Variants in UBE2K observed in about 807,000 individuals in gnomAD.
UBE2K encodes the protein ubiquitin-conjugating enzyme E2 K.
A neutral mutation model predicts 30.0 loss-of-function variants in UBE2K; 6 were observed. The ratio of observed to expected loss-of-function variants is 0.20; its 90% CI spans 0.11 to 0.39. The LOEUF is 0.39. UBE2K is among the 10% of genes least tolerant of loss of function. The probability of loss-of-function intolerance (pLI) is 1.00; values close to 1 mark genes in which losing one functional copy is unlikely to be tolerated. For synonymous variants in UBE2K, 86 were observed against 83.7 expected, an observed-to-expected ratio of 1.03 and a Z score of -0.15; for missense variants, 61 against 241.6, an observed-to-expected ratio of 0.25 and a Z score of 4.96.
intron 5 of UBE2K, 48 bp downstream of exon 5, chr4:39,774,981 CT>C: frequency 7.6e-7 from 1 of 1,319,608 alleles, no homozygotes; most frequent in Non-Finnish European, 1.1e-6. Flanking sequence ...GTATGAGTCT[CT>C]AGCCACTTCA....
At chr4:39,745,430 G>A (rs1390383657) in intron 2 of UBE2K, among the ~76,000 whole-genome samples, 1 of 152,000 alleles carries the variant, frequency 6.6e-6, no homozygotes. Context: ...TGGATTAGAG[G>A]ACACAGTGGA....
rs368390774 is a variant in UBE2K, at chr4:39,726,930, T to G, written c.64-10490T>G. Among the ~76,000 whole-genome samples, 194 of 152,278 alleles carry G rather than the reference T, an allele frequency of 1.3e-3. 7 individuals carry two copies. In the South Asian group the frequency reaches 0.039, roughly 31 times the overall value. ...ATTATTTTGAAACAAATCTTCTGAGTTATTTTGCAGCAAACCCCAGAATTC... is the reference window on the plus strand; with the variant it reads ...ATTATTTTGAAACAAATCTTCTGAGGTATTTTGCAGCAAACCCCAGAATTC... On this transcript the variant is annotated intron_variant, in intron 1 of 6. Coordinates refer to ENST00000261427, the MANE Select transcript of UBE2K (RefSeq NM_005339.5).
intron 4 of UBE2K, chr4:39,771,089 C>T (rs1405259946): frequency 7.4e-6 from 12 of 1,612,538 alleles, no homozygotes; most frequent in Non-Finnish European, 9.3e-6. Context: ...TGGCATTTCT[C>T]CACCACGTGC....
At chr4:39,771,432 GC>G in intron 4 of UBE2K, 1 of 1,594,056 alleles carries the variant, frequency 6.3e-7, no homozygotes, top group Middle Eastern at 1.7e-4. Context: ...CACCCCAGAG[GC>G]CATTGTGGCG....
chr4:39,772,769 C>T (rs890181504), intron 4 of UBE2K, among the ~76,000 whole-genome samples: 1 of 151,126 alleles, frequency 6.6e-6, no homozygotes, highest in Middle Eastern at 3.4e-3. Flanking sequence ...CTCACGGCAA[C>T]CTCCGCCTCC....
At chr4:39,733,410 G>A (rs1212940657) in intron 1 of UBE2K, among the ~76,000 whole-genome samples, 1 of 143,106 alleles carries the variant, frequency 7.0e-6, no homozygotes, top group Non-Finnish European at 1.5e-5. Context: ...TCGGCTCACT[G>A]CAACCTCCAC....
chr4:39,724,245 C>T (rs1719602370), intron 1 of UBE2K, among the ~76,000 whole-genome samples: 1 of 151,772 alleles, frequency 6.6e-6, no homozygotes, highest in African/African-American at 2.4e-5. Context: ...GTAGCTGAGA[C>T]TATAGGCACG....
At position 39,770,359 on chromosome 4, in the gene UBE2K, ACTC is replaced by A. The variant is rs1033223318; in HGVS notation, c.300-4472_300-4470del. 1.2e-4 allele frequency: 191 copies of A among 1,611,804 alleles called. No individual in the cohort carries two copies. In the African/African-American group the frequency reaches 2.1e-3, roughly 18 times the overall value. ...TGGTTGAGGTTGTTGCTGTGGTTGA[ACTC>A]CTTGCCACAGCGAGGGCACATGAAG... is the stretch of plus-strand genomic sequence containing the variant. On this transcript the variant is annotated intron_variant, in intron 4 of 6. Transcript: ENST00000261427.
intron 1 of UBE2K, among the ~76,000 whole-genome samples, chr4:39,732,758 C>T (rs763722098): frequency 6.8e-6 from 1 of 147,904 alleles, no homozygotes; most frequent in Non-Finnish European, 1.5e-5. Context: ...TCACTGCAAC[C>T]TCTGCCTCCC....
rs913962599 is a variant in UBE2K at position 39,781,408 on chromosome 4, TAAGA to T, written c.*2980_*2983del. On this transcript the variant is annotated 3_prime_UTR_variant, in exon 7 of 7. Coordinates refer to ENST00000261427, the MANE Select transcript of UBE2K (RefSeq NM_005339.5). The stretch of plus-strand genomic sequence containing the variant: ...CAAAATAATTCTTTTTAAGTATCTG[TAAGA>T]AAGAATTGGCAGTTTAAACGGATTT... 1 of 152,256 alleles carries T rather than the reference TAAGA, an allele frequency of 6.6e-6. No individual in the cohort carries two copies. Among genetic ancestry groups the T allele is most frequent in the Non-Finnish European group, 1.5e-5 (1 of 68,062 alleles). 9.4% of individuals were successfully genotyped at this position (152,256 alleles called of 1,614,324 possible).
chr4:39,701,242 TG>T (rs1560334970), intron 1 of UBE2K, among the ~76,000 whole-genome samples: 1 of 152,222 alleles, frequency 6.6e-6, no homozygotes, highest in Non-Finnish European at 1.5e-5. Flanking sequence ...TTGTTAGGCA[TG>T]GAATATTGAT....
intron 4 of UBE2K, among the ~76,000 whole-genome samples, chr4:39,765,128 G>A (rs1048734285): frequency 4.6e-5 from 7 of 151,822 alleles, no homozygotes; most frequent in African/African-American, 9.7e-5. Context: ...CTCGTGATCC[G>A]CCCGCCTTGG....
chr4:39,708,979 T>G (rs970771245), intron 1 of UBE2K, among the ~76,000 whole-genome samples: 1 of 151,886 alleles, frequency 6.6e-6, no homozygotes, highest in African/African-American at 2.4e-5. Context: ...AGGTAGAGAT[T>G]TTTTAACTCC....
At chr4:39,770,383 T>A in intron 4 of UBE2K, 1 of 1,613,284 alleles carries the variant, frequency 6.2e-7, no homozygotes, top group Non-Finnish European at 8.5e-7. Context: ...CGAGGGCACA[T>A]GAAGATGAAG....
intron 1 of UBE2K, among the ~76,000 whole-genome samples, chr4:39,725,130 C>G (rs1449192437): frequency 1.3e-5 from 2 of 151,966 alleles, no homozygotes; most frequent in Non-Finnish European, 2.9e-5. Context: ...ATTGTAATCC[C>G]AGCACTTTGG....
intron 3 of UBE2K, among the ~76,000 whole-genome samples, chr4:39,746,635 A>G (rs1162042863): frequency 6.6e-6 from 1 of 152,130 alleles, no homozygotes; most frequent in East Asian, 1.9e-4. Flanking sequence ...TCCCACTCTA[A>G]TCTTCTACCA....
At chr4:39,728,204 A>G (rs35230099) in intron 1 of UBE2K, among the ~76,000 whole-genome samples, 28,167 of 152,020 alleles carry the variant, frequency 0.19, 4,613 homozygotes, top group African/African-American at 0.44. Context: ...GGCTTCACTG[A>G]TTATTAGCTT....
chr4:39,763,544 C>A (rs1712112859), intron 4 of UBE2K, among the ~76,000 whole-genome samples: 1 of 152,104 alleles, frequency 6.6e-6, no homozygotes, highest in Admixed American at 6.5e-5. Context: ...GCCACCACGC[C>A]CAGCCAAAAC....
At chr4:39,703,223 T>C (rs912089605) in intron 1 of UBE2K, among the ~76,000 whole-genome samples, 1 of 152,056 alleles carries the variant, frequency 6.6e-6, no homozygotes, top group Admixed American at 6.6e-5. Flanking sequence ...CAAAACTCTT[T>C]AAAAGAGTGT....
Sources: gnomAD v4.1 joint callset for allele counts (sites outside exome capture counted in the v4.1 genomes callset) on GRCh38, gnomAD v4.1.1 for gene constraint, MANE v1.5 for transcripts, NCBI Gene and HGNC (gene_info 2026-07-23, HGNC 2026-07-21) for gene names.